The following MMP20 variants were observed in gnomAD, a reference collection of about 807,000 sequenced individuals.
MMP20 encodes the protein matrix metalloproteinase-20.
In MMP20, 50 loss-of-function variants were observed where a neutral mutation model predicts 51.8. That is an observed-to-expected ratio of 0.97 (90% confidence interval 0.77 to 1.22). MMP20 has a LOEUF of 1.22. Ranked by LOEUF, MMP20 falls within the 50% of genes most tolerant of loss-of-function variation. The pLI, the probability that MMP20 is intolerant of heterozygous loss-of-function variation, is 0.00. For missense variants in MMP20, 663 were observed against 601.4 expected (o/e 1.10, Z -1.07); for synonymous variants, 244 against 216.2 (o/e 1.13, Z -1.13).
chr11:102,593,312 C>T (rs1191754363), intron 8 of MMP20, 127 bp downstream of exon 8: 1 of 843,158 alleles, frequency 1.2e-6, no homozygotes, highest in Non-Finnish European at 1.9e-6. Flanking sequence ...AATCGCACCC[C>T]AGTGGCCGAG....
intron 3 of MMP20, among the ~76,000 whole-genome samples, chr11:102,611,303 T>C (rs1213316036): frequency 6.6e-6 from 1 of 152,216 alleles, no homozygotes; most frequent in African/African-American, 2.4e-5. Context: ...GAAACGATAC[T>C]TTCCTAACCA....
At position 102,577,426 on chromosome 11, in the gene MMP20, C is replaced by T. The variant is rs79248469; in HGVS notation, c.1352G>A (p.Gly451Asp). 1 of 1,607,334 alleles carries T rather than the reference C, an allele frequency of 6.2e-7. No homozygotes were observed. The highest frequency in any genetic ancestry group is 1.3e-5 in the African/African-American group (1 of 74,746). ...TGGTCCTGAAAAGAAGTAAATGTAG[C>T]CTAAAAGAGACAAAGTTGAAATTGG... is the stretch of plus-strand genomic sequence containing the variant. ...GQIDAAVELNGYIYFFSGPKT... is the reference protein window; with the variant it reads ...GQIDAAVELNDYIYFFSGPKT... The change falls in exon 10 of 10, where the codon GGC becomes GAC. Residue 451 changes from glycine to aspartate, a missense_variant and splice_region_variant. Coordinates refer to ENST00000260228, the MANE Select transcript of MMP20 (RefSeq NM_004771.4).
At chr11:102,622,730 A>G (rs1436596152) in intron 1 of MMP20, among the ~76,000 whole-genome samples, 1 of 152,214 alleles carries the variant, frequency 6.6e-6, no homozygotes, top group Non-Finnish European at 1.5e-5. Context: ...TCCTCATGGA[A>G]GGAGCATAAG....
chr11:102,578,938 C>A, intron 9 of MMP20, 101 bp downstream of exon 9: 2 of 838,962 alleles, frequency 2.4e-6, no homozygotes, highest in South Asian at 2.7e-5. Flanking sequence ...ATATAAAAAC[C>A]AAGGACTCCC....
intron 6 of MMP20, among the ~76,000 whole-genome samples, chr11:102,595,519 T>G (rs1264941736): frequency 3.3e-5 from 5 of 152,238 alleles, no homozygotes; most frequent in Non-Finnish European, 7.3e-5. Context: ...ACATTGTGAA[T>G]AGTATGTAAA....
chr11:102,604,029 T>C (rs989152204), intron 6 of MMP20, among the ~76,000 whole-genome samples: 2 of 152,104 alleles, frequency 1.3e-5, no homozygotes, highest in Non-Finnish European at 2.9e-5. Context: ...TGTTTTTTTT[T>C]TTTGCTTTTT....
At chr11:102,602,050 C>T (rs1025607247) in intron 6 of MMP20, among the ~76,000 whole-genome samples, 1 of 149,032 alleles carries the variant, frequency 6.7e-6, no homozygotes, top group African/African-American at 2.5e-5. Flanking sequence ...CCCGGGTTCA[C>T]GCCATTCTCC....
intron 6 of MMP20, among the ~76,000 whole-genome samples, chr11:102,602,860 A>G (rs1859466663): frequency 6.6e-6 from 1 of 152,260 alleles, no homozygotes; most frequent in Non-Finnish European, 1.5e-5. Context: ...AGATGCAAAT[A>G]TAATTTTGGT....
intron 6 of MMP20, chr11:102,605,164 G>C (rs2135939431): frequency 6.6e-6 from 1 of 152,348 alleles, no homozygotes; most frequent in South Asian, 2.1e-4. Flanking sequence ...CTCTCTCTCT[G>C]TACATGAAGG....
chr11:102,581,114 C>G (rs1859189465), intron 8 of MMP20, among the ~76,000 whole-genome samples: 1 of 151,962 alleles, frequency 6.6e-6, no homozygotes, highest in Admixed American at 6.6e-5. Context: ...TTTTTCTCAT[C>G]TGGAAAACAT....
chr11:102,587,026 A>T (rs1365182983), intron 8 of MMP20, among the ~76,000 whole-genome samples: 2 of 152,046 alleles, frequency 1.3e-5, no homozygotes, highest in Non-Finnish European at 2.9e-5. Context: ...CCATTATCTC[A>T]AAGTGGAAGG....
intron 1 of MMP20, among the ~76,000 whole-genome samples, chr11:102,622,999 C>G (rs1859769776): frequency 6.6e-6 from 1 of 152,110 alleles, no homozygotes; most frequent in South Asian, 2.1e-4. Flanking sequence ...GAGCTGAGGA[C>G]CAGGGCCATT....
At chr11:102,616,671 T>C (rs1859675498) in intron 2 of MMP20, 141 bp downstream of exon 2, 8 of 1,080,398 alleles carry the variant, frequency 7.4e-6, no homozygotes, top group Non-Finnish European at 9.4e-6. Context: ...GCCTGACGGA[T>C]GGATGTAAAA....
intron 5 of MMP20, chr11:102,608,007 G>T (rs1591618990): frequency 6.6e-6 from 1 of 152,188 alleles, no homozygotes; most frequent in African/African-American, 2.4e-5. Context: ...TTTGTCTTTT[G>T]TGCCTCAGGT....
intron 9 of MMP20, 125 bp from the exon 10 acceptor site, chr11:102,577,551 G>T: frequency 2.8e-6 from 2 of 725,806 alleles, no homozygotes; most frequent in Admixed American, 2.0e-5. Flanking sequence ...TCAGGTGGCA[G>T]TTAGCTTGTC....
At chr11:102,602,491 G>C (rs1290577934) in intron 6 of MMP20, among the ~76,000 whole-genome samples, 1 of 152,122 alleles carries the variant, frequency 6.6e-6, no homozygotes, top group African/African-American at 2.4e-5. Flanking sequence ...GGAACAGCTC[G>C]GAAGTGCTCT....
chr11:102,591,331 T>TAG (rs1326716117), intron 8 of MMP20, among the ~76,000 whole-genome samples: 4 of 152,240 alleles, frequency 2.6e-5, no homozygotes, highest in Admixed American at 6.5e-5. Flanking sequence ...AGTCCAATGT[T>TAG]AGGGGCCTTC....
intron 8 of MMP20, among the ~76,000 whole-genome samples, chr11:102,582,462 A>C (rs1432942363): frequency 5.3e-5 from 8 of 152,218 alleles, no homozygotes; most frequent in Admixed American, 4.6e-4. Flanking sequence ...AATGAAATAG[A>C]AATCTGAAAT....
intron 1 of MMP20, among the ~76,000 whole-genome samples, chr11:102,623,828 C>G (rs548493568): frequency 6.6e-6 from 1 of 152,284 alleles, no homozygotes; most frequent in African/African-American, 2.4e-5. Context: ...CACAAAACCT[C>G]TTTAGTTTCA....
Sources: allele counts gnomAD v4.1 joint callset (sites outside exome capture counted in the v4.1 genomes callset), GRCh38; gene constraint gnomAD v4.1.1; transcripts MANE v1.5; gene names NCBI Gene and HGNC (gene_info 2026-07-23, HGNC 2026-07-21).